Variants in FBXO42 observed in about 807,000 individuals in gnomAD.
The protein encoded by FBXO42 is F-box only protein 42.
A neutral mutation model predicts 71.7 loss-of-function variants in FBXO42; 12 were observed. The observed-to-expected ratio is 0.17, with a 90% CI of 0.11 to 0.27. The LOEUF is 0.27. FBXO42 is among the 10% of genes least tolerant of loss of function. FBXO42 has a pLI of 1.00. For synonymous variants in FBXO42, 325 were observed against 327.5 expected, an observed-to-expected ratio of 0.99 and a Z score of 0.08; for missense variants, 707 against 911.9, an observed-to-expected ratio of 0.78 and a Z score of 2.89.
chr1:16,344,778 A>G (rs1364024605), intron 1 of FBXO42, among the ~76,000 whole-genome samples: 1 of 152,192 alleles, frequency 6.6e-6, no homozygotes, highest in East Asian at 1.9e-4. Context: ...TCAGTTGTAA[A>G]TATCAATATA....
intron 4 of FBXO42, among the ~76,000 whole-genome samples, chr1:16,271,258 G>GGT (rs57827739): frequency 0.21 from 28,421 of 137,090 alleles, 3,019 homozygotes; most frequent in East Asian, 0.37. Flanking sequence ...TGTGTGTGTT[G>GGT]GTGTGTGTGT....
intron 1 of FBXO42, among the ~76,000 whole-genome samples, chr1:16,316,173 A>T (rs1346185229): frequency 6.7e-6 from 1 of 150,232 alleles, no homozygotes; most frequent in Non-Finnish European, 1.5e-5. Flanking sequence ...CCATCTCAAA[A>T]AAAAAAAAAA....
chr1:16,312,644 C>A (rs1401808742), intron 2 of FBXO42, among the ~76,000 whole-genome samples: 2 of 152,042 alleles, frequency 1.3e-5, no homozygotes, highest in African/African-American at 4.8e-5. Context: ...CAAGCATGAA[C>A]ATTAATGTAA....
At chr1:16,348,945 ACT>A (rs1212698622) in intron 1 of FBXO42, among the ~76,000 whole-genome samples, 13 of 152,042 alleles carry the variant, frequency 8.6e-5, no homozygotes, top group Non-Finnish European at 1.5e-4. Flanking sequence ...AAGCATCATC[ACT>A]CTAAAGTTGT....
intron 4 of FBXO42, 41 bp from the exon 5 acceptor site, chr1:16,256,800 TCAC>T (rs779503936): frequency 6.2e-7 from 1 of 1,606,450 alleles, no homozygotes; most frequent in East Asian, 2.2e-5. Flanking sequence ...ATTCAGGATC[TCAC>T]AACAATCCGT....
chr1:16,331,819 G>A (rs947875847), intron 1 of FBXO42, among the ~76,000 whole-genome samples: 10 of 152,208 alleles, frequency 6.6e-5, no homozygotes, highest in African/African-American at 2.2e-4. Flanking sequence ...GGGAGGCTGA[G>A]GCGCGCAGAT....
chr1:16,327,563 CCTAAA>C (rs1181295439), intron 1 of FBXO42, among the ~76,000 whole-genome samples: 2 of 152,054 alleles, frequency 1.3e-5, no homozygotes, highest in Non-Finnish European at 1.5e-5. Context: ...AAAGATAGAG[CCTAAA>C]CTATTTTGCC....
At chr1:16,345,601 G>A (rs553124905) in intron 1 of FBXO42, among the ~76,000 whole-genome samples, 2 of 152,100 alleles carry the variant, frequency 1.3e-5, no homozygotes, top group East Asian at 3.9e-4. Flanking sequence ...TGTAATCCCA[G>A]CACTTTGGGA....
rs749955149 is a variant in FBXO42, at chr1:16,315,346, T to C, written c.73A>G (p.Thr25Ala). ...TGGGGCTCCTCATCTTGATCCATTG[T>C]CCCTTCCAGCACAGTTTCTTCCTGG... ...VDQEETVLEG[T>A]MDQDEEPHPV... Residue 25 changes from threonine (T) to alanine (A), a missense_variant, in exon 2 of 10, where the codon ACA becomes GCA. By Grantham distance (58) the Thr-to-Ala change is moderately conservative (BLOSUM62 0). This residue lies in a region of FBXO42 where 188 missense variants were observed against 230.5 expected (regional missense o/e 0.82). Transcript: ENST00000375592. 5 of 1,614,160 alleles carry C rather than the reference T, an allele frequency of 3.1e-6. No homozygotes were observed. Among genetic ancestry groups the C allele is most frequent in the Non-Finnish European group, 4.2e-6 (5 of 1,180,018 alleles).
intron 1 of FBXO42, among the ~76,000 whole-genome samples, chr1:16,321,693 GTT>G (rs143212893): frequency 3.2e-4 from 46 of 143,546 alleles, no homozygotes; most frequent in Middle Eastern, 3.6e-3. Context: ...GCTCGCAAGG[GTT>G]TTTTTTTTTT....
chr1:16,312,205 TA>T (rs1304355545), intron 2 of FBXO42, among the ~76,000 whole-genome samples: 1 of 151,940 alleles, frequency 6.6e-6, no homozygotes, highest in Non-Finnish European at 1.5e-5. Flanking sequence ...AACATTTTTT[TA>T]AAAAAATTAC....
At chr1:16,314,882 T>TGAAAA (rs1436892041) in intron 2 of FBXO42, among the ~76,000 whole-genome samples, 93 of 147,432 alleles carry the variant, frequency 6.3e-4, no homozygotes, top group Middle Eastern at 6.8e-3. Context: ...AGACTCCGTC[T>TGAAAA]GAAAAAAAAA....
At chr1:16,281,500 C>T (rs555193273) in intron 4 of FBXO42, among the ~76,000 whole-genome samples, 10 of 145,314 alleles carry the variant, frequency 6.9e-5, no homozygotes, top group African/African-American at 2.3e-4. Flanking sequence ...GATGGAGTCT[C>T]GCTCTGTCAC....
At chr1:16,271,060 G>C (rs1384068020) in intron 4 of FBXO42, among the ~76,000 whole-genome samples, 1 of 152,064 alleles carries the variant, frequency 6.6e-6, no homozygotes, top group Non-Finnish European at 1.5e-5. Flanking sequence ...GCAGGTAAAG[G>C]AGAGAGTCAC....
Position 16,297,365 on chromosome 1 carries a change from G to A in FBXO42, c.368-2448C>T, listed in dbSNP as rs556831431. Among the ~76,000 whole-genome samples, 9 of 152,226 alleles carry A rather than the reference G, an allele frequency of 5.9e-5. No homozygotes were observed. The South Asian group carries it at 1.5e-3, about 25-fold the overall frequency. ...AGAGGTAATGAAAGCAGTATGTTTA[G>A]TGCCTTAAACCCCATAATCTCAGTC... On this transcript the variant is annotated intron_variant, in intron 3 of 9. Coordinates refer to ENST00000375592, the MANE Select transcript of FBXO42 (RefSeq NM_018994.3).
intron 1 of FBXO42, among the ~76,000 whole-genome samples, chr1:16,323,553 T>C (rs953836459): frequency 2.7e-5 from 4 of 150,854 alleles, no homozygotes; most frequent in Non-Finnish European, 4.4e-5. Context: ...TCCCAGCACT[T>C]TGGGAGGCTG....
chr1:16,310,944 A>G (rs902255717), intron 2 of FBXO42, among the ~76,000 whole-genome samples: 1 of 150,898 alleles, frequency 6.6e-6, no homozygotes, highest in African/African-American at 2.4e-5. Context: ...ACTGCACTCC[A>G]GCCTGGGCAA....
At chr1:16,341,912 G>A (rs542354989) in intron 1 of FBXO42, among the ~76,000 whole-genome samples, 27 of 147,456 alleles carry the variant, frequency 1.8e-4, no homozygotes, top group African/African-American at 5.8e-4. Context: ...CGGAGGTCGC[G>A]ATGAGCCAAG....
At chr1:16,270,989 C>T (rs2081837650) in intron 4 of FBXO42, among the ~76,000 whole-genome samples, 1 of 151,846 alleles carries the variant, frequency 6.6e-6, no homozygotes. Flanking sequence ...GGAAGTTGTC[C>T]TTTCAAACTG....
Sources: allele counts gnomAD v4.1 joint callset (sites outside exome capture counted in the v4.1 genomes callset), GRCh38; gene constraint gnomAD v4.1.1; regional missense constraint gnomAD v4.1.1; transcripts MANE v1.5; gene names NCBI Gene and HGNC (gene_info 2026-07-23, HGNC 2026-07-21).